COMT: variants seen among roughly 807,000 people sequenced by gnomAD.
COMT encodes the protein catechol-O-methyltransferase.
A neutral mutation model predicts 18.9 loss-of-function variants in COMT; 13 were observed. The observed-to-expected ratio is 0.69, with a 90% CI of 0.45 to 1.09. COMT has a LOEUF of 1.09. COMT is among the 50% of genes least tolerant of loss of function. The pLI is 0.00. For missense variants in COMT, 329 were observed against 361.8 expected (o/e 0.91, Z 0.73); for synonymous variants, 150 against 160.9 (o/e 0.93, Z 0.51).
At chr22:19,964,786 G>A (rs370538621) in intron 5 of COMT, 172 of 363,062 alleles carry the variant, frequency 4.7e-4, no homozygotes, top group East Asian at 4.1e-3. Flanking sequence ...TGAGTGCCCC[G>A]AGTGAGGCTA....
intron 1 of COMT, among the ~76,000 whole-genome samples, chr22:19,957,749 C>T (rs1688038786): frequency 6.6e-6 from 1 of 152,194 alleles, no homozygotes; most frequent in South Asian, 2.1e-4. Context: ...GAGGTAAGAC[C>T]ATCAGCCGTT....
At chr22:19,963,337 A>G in intron 3 of COMT, 1 of 607,588 alleles carries the variant, frequency 1.6e-6, no homozygotes, top group Non-Finnish European at 2.9e-6. Context: ...CTAAGGGACC[A>G]TGGGAGCTCC....
chr22:19,950,241 CTTTTTTTTT>C (rs55653258), intron 1 of COMT, among the ~76,000 whole-genome samples: 5 of 87,848 alleles, frequency 5.7e-5, no homozygotes, highest in Admixed American at 1.4e-4. Flanking sequence ...CTTTTCTTTT[CTTTTTTTTT>C]TTTTTTTTTT....
chr22:19,943,692 A>G (rs372704986), intron 1 of COMT, among the ~76,000 whole-genome samples: 3 of 152,196 alleles, frequency 2.0e-5, no homozygotes, highest in East Asian at 1.9e-4. Flanking sequence ...GAAAGAAATA[A>G]AAACAAAGAT....
chr22:19,944,877 A>C (rs911729640), intron 1 of COMT, among the ~76,000 whole-genome samples: 3 of 152,190 alleles, frequency 2.0e-5, no homozygotes, highest in Non-Finnish European at 4.4e-5. Context: ...CTAGACTAGG[A>C]TCTGATAACT....
chr22:19,946,413 G>A (rs894379268), intron 1 of COMT, among the ~76,000 whole-genome samples: 14 of 152,138 alleles, frequency 9.2e-5, no homozygotes, highest in Middle Eastern at 6.8e-3. Flanking sequence ...GCTTGAACCC[G>A]GGACATGGAG....
At chr22:19,947,456 G>A (rs1005775485) in intron 1 of COMT, among the ~76,000 whole-genome samples, 7 of 152,208 alleles carry the variant, frequency 4.6e-5, no homozygotes, top group Admixed American at 4.6e-4. Flanking sequence ...AGACAAGGGG[G>A]CAGGGTAAGG....
At chr22:19,966,931 T>C (rs1370763892) in intron 5 of COMT, 1 of 985,176 alleles carries the variant, frequency 1.0e-6, no homozygotes, top group Non-Finnish European at 1.2e-6. Context: ...CTGTCGCTTC[T>C]CCACGGCATT....
chr22:19,945,568 C>T (rs1394510917), intron 1 of COMT, among the ~76,000 whole-genome samples: 3 of 142,388 alleles, frequency 2.1e-5, no homozygotes, highest in Non-Finnish European at 3.2e-5. Context: ...GGGGTCAGGC[C>T]GGAAGAAAAA....
chr22:19,948,229 G>A (rs950314533), intron 1 of COMT, among the ~76,000 whole-genome samples: 4 of 152,096 alleles, frequency 2.6e-5, no homozygotes, highest in East Asian at 1.9e-4. Flanking sequence ...GCACCTGGGC[G>A]ACTTGCTGCC....
At position 19,941,855 on chromosome 22, in the gene COMT, G is replaced by A. The variant is rs1164199642; in HGVS notation, c.-134G>A. Reference sequence around the variant, plus strand: ...GGCTGCCCGCCGCGCTGCCTGCGCCGGACCGGGGCGGGTCCAGTCCCGGGC... The same window carrying A: ...GGCTGCCCGCCGCGCTGCCTGCGCCAGACCGGGGCGGGTCCAGTCCCGGGC... On this transcript the variant is annotated 5_prime_UTR_variant, in exon 1 of 6. Transcript: ENST00000361682. 1.4e-6 allele frequency: 2 copies of A among 1,459,422 alleles called. No individual in the cohort carries two copies. The highest frequency in any genetic ancestry group is 1.8e-6 in the Non-Finnish European group (2 of 1,114,446). The allele number at this position is 1,459,422 out of a possible 1,614,324, so 90.4% of individuals were successfully genotyped here. A position where few individuals can be genotyped will look rare whatever the true frequency, so the allele number is the denominator to read the frequency against.
intron 1 of COMT, chr22:19,951,114 C>CT (rs1313584685): frequency 6.6e-6 from 1 of 152,222 alleles, no homozygotes; most frequent in African/African-American, 2.4e-5. Flanking sequence ...AATCCCAGCA[C>CT]TTTGGGAGGC....
At chr22:19,944,859 A>C (rs1318037967) in intron 1 of COMT, among the ~76,000 whole-genome samples, 1 of 152,096 alleles carries the variant, frequency 6.6e-6, no homozygotes, top group African/African-American at 2.4e-5. Context: ...CCTACAAAAG[A>C]CAGTGAACTA....
In COMT at chr22:19,963,729, G is replaced by A; in HGVS notation, c.453G>A (p.Arg151=). The part of the protein sequence containing the change: ...INPDCAAITQ[R]MVDFAGVKDK... ...CCGACTGTGCCGCCATCACCCAGCGGATGGTGGATTTCGCTGGCGTGAAGG... is the reference window on the plus strand; with the variant it reads ...CCGACTGTGCCGCCATCACCCAGCGAATGGTGGATTTCGCTGGCGTGAAGG... The change falls in exon 4 of 6, where the codon CGG becomes CGA. Residue 151 remains arginine, a synonymous_variant. Coordinates refer to ENST00000361682, the MANE Select transcript of COMT (RefSeq NM_000754.4). The A allele has an allele frequency of 1.2e-6, 2 of 1,612,734 alleles. No individual in the cohort carries two copies.
In COMT at chr22:19,969,555, C is replaced by T. The variant is rs1942624861; in HGVS notation, c.*819C>T. Reference sequence around the variant, plus strand: ...CTCCAAGGGGTCAGACTGCTAGCCACCTCAGAGGCTCCAAGGGCCCAGTTC... The same window carrying T: ...CTCCAAGGGGTCAGACTGCTAGCCATCTCAGAGGCTCCAAGGGCCCAGTTC... On this transcript the variant is annotated 3_prime_UTR_variant, in exon 6 of 6. Transcript: ENST00000361682. 1 of 152,450 alleles carries T rather than the reference C, an allele frequency of 6.6e-6. No homozygotes were observed. The highest frequency in any genetic ancestry group is 6.5e-5 in the Admixed American group (1 of 15,286). 9.4% of individuals were successfully genotyped at this position (152,450 alleles called of 1,614,324 possible).
chr22:19,945,093 A>G (rs1836756821), intron 1 of COMT, among the ~76,000 whole-genome samples: 1 of 152,228 alleles, frequency 6.6e-6, no homozygotes, highest in Non-Finnish European at 1.5e-5. Flanking sequence ...AACTTTTAAT[A>G]GGGAATCTTA....
At chr22:19,961,111 G>A (rs1942182711) in intron 1 of COMT, 88 bp from the exon 2 acceptor site, 1 of 152,302 alleles carries the variant, frequency 6.6e-6, no homozygotes, top group Non-Finnish European at 1.5e-5. Flanking sequence ...GCCCTATCCG[G>A]GGAAGGGGCT....
chr22:19,966,139 A>AAAGTCATGAAGTGGG (rs1942376562), intron 5 of COMT, among the ~76,000 whole-genome samples: 1 of 152,260 alleles, frequency 6.6e-6, no homozygotes, highest in Admixed American at 6.5e-5. Context: ...CAAAAGAAGC[A>AAAGTCATGAAGTGGG]AAGTCATGAA....
intron 2 of COMT, among the ~76,000 whole-genome samples, 157 bp downstream of exon 2, chr22:19,961,446 C>T (rs994419059): frequency 6.6e-6 from 1 of 152,214 alleles, no homozygotes; most frequent in Admixed American, 6.5e-5. Flanking sequence ...CATGACCTCC[C>T]CCTAGGGCGG....
Sources: allele counts gnomAD v4.1 joint callset (sites outside exome capture counted in the v4.1 genomes callset), GRCh38; gene constraint gnomAD v4.1.1; transcripts MANE v1.5; gene names NCBI Gene and HGNC (gene_info 2026-07-23, HGNC 2026-07-21).